The following SNTB1 variants were observed in gnomAD, a reference collection of about 807,000 sequenced individuals.
The protein encoded by SNTB1 is syntrophin beta 1, also known as beta-1-syntrophin.
A neutral mutation model predicts 48.9 loss-of-function variants in SNTB1; 36 were observed. The ratio of observed to expected loss-of-function variants is 0.74; its 90% CI spans 0.56 to 0.97. The LOEUF is 0.97. Among genes scored for constraint, SNTB1 ranks in the 50% least tolerant of loss-of-function variants. The pLI, the probability that SNTB1 is intolerant of heterozygous loss-of-function variation, is 0.00. For missense variants in SNTB1, 786 were observed against 703.4 expected (o/e 1.12, Z -1.33); for synonymous variants, 299 against 294.6 (o/e 1.01, Z -0.15).
chr8:120,619,960 G>A (rs1305544103), intron 3 of SNTB1, among the ~76,000 whole-genome samples: 2 of 152,226 alleles, frequency 1.3e-5, no homozygotes, highest in Non-Finnish European at 2.9e-5. Flanking sequence ...GAAAATAGAA[G>A]TTAGGGATAA....
At chr8:120,572,718 G>A (rs1000507270) in intron 4 of SNTB1, among the ~76,000 whole-genome samples, 22 of 151,090 alleles carry the variant, frequency 1.5e-4, no homozygotes, top group Admixed American at 6.6e-4. Context: ...GTGAAACCCT[G>A]TCTCTACTAA....
intron 3 of SNTB1, among the ~76,000 whole-genome samples, chr8:120,579,205 CAA>C (rs1257462509): frequency 4.0e-3 from 388 of 98,096 alleles, no homozygotes; most frequent in African/African-American, 0.013. Context: ...AACAAACAAA[CAA>C]ACAAACAAAG....
chr8:120,792,825 C>G (rs1018714261), intron 1 of SNTB1, among the ~76,000 whole-genome samples: 86 of 152,098 alleles, frequency 5.7e-4, no homozygotes, highest in African/African-American at 2.0e-3. Context: ...CATCATTTCC[C>G]TCTCAAGACT....
chr8:120,790,993 A>G (rs533266419), intron 1 of SNTB1, among the ~76,000 whole-genome samples: 5 of 151,950 alleles, frequency 3.3e-5, no homozygotes, highest in African/African-American at 1.2e-4. Context: ...TTCAAATTAT[A>G]CTACTATAGT....
At chr8:120,756,088 C>T (rs765684367) in intron 1 of SNTB1, among the ~76,000 whole-genome samples, 1 of 152,174 alleles carries the variant, frequency 6.6e-6, no homozygotes, top group Non-Finnish European at 1.5e-5. Context: ...GCATTCTGGA[C>T]AAGATGACCT....
chr8:120,791,700 A>G (rs1471101407), intron 1 of SNTB1, among the ~76,000 whole-genome samples: 1 of 152,032 alleles, frequency 6.6e-6, no homozygotes, highest in African/African-American at 2.4e-5. Context: ...ACATGAAAAA[A>G]TGCTCAACAT....
chr8:120,737,748 T>A lies in SNTB1; in HGVS notation c.572-43840A>T, dbSNP rs1241922599. On this transcript the variant is annotated intron_variant, in intron 1 of 6. Transcript: ENST00000517992. The stretch of plus-strand genomic sequence containing the variant: ...AATGCAAACCTCATTTCTTTTCTGT[T>A]ATCCTCCAATTCAGAGCTTTTATCC... 2.0e-5 allele frequency among the ~76,000 whole-genome samples: 3 copies of A among 152,174 alleles called. No homozygotes were observed. In the East Asian group the frequency reaches 5.8e-4, roughly 29 times the overall value.
At chr8:120,640,550 C>G (rs4871084) in intron 2 of SNTB1, among the ~76,000 whole-genome samples, 55,242 of 151,902 alleles carry the variant, frequency 0.36, 12,135 homozygotes, top group Non-Finnish European at 0.49. Context: ...TGAGATACAT[C>G]CCATCAATAC....
At chr8:120,642,623 A>C (rs937439274) in intron 2 of SNTB1, among the ~76,000 whole-genome samples, 1 of 152,144 alleles carries the variant, frequency 6.6e-6, no homozygotes, top group Non-Finnish European at 1.5e-5. Flanking sequence ...ATATGGCTTA[A>C]AATTCCAGGC....
chr8:120,616,306 T>C (rs967548027), intron 3 of SNTB1, among the ~76,000 whole-genome samples: 1 of 150,342 alleles, frequency 6.7e-6, no homozygotes, highest in Admixed American at 6.6e-5. Flanking sequence ...TGATTTTTTT[T>C]TTTTTTTTTT....
At chr8:120,732,857 AAAAG>A (rs1482496595) in intron 1 of SNTB1, among the ~76,000 whole-genome samples, 1 of 152,234 alleles carries the variant, frequency 6.6e-6, no homozygotes, top group African/African-American at 2.4e-5. Context: ...CTAAAAAACA[AAAAG>A]AAAGAAAAGA....
intron 1 of SNTB1, among the ~76,000 whole-genome samples, chr8:120,729,188 T>G (rs1406168644): frequency 6.6e-6 from 1 of 152,182 alleles, no homozygotes; most frequent in Admixed American, 6.5e-5. Flanking sequence ...ACAGCCATGT[T>G]GCCCAGGCTG....
chr8:120,696,408 C>A (rs377455129), intron 1 of SNTB1, among the ~76,000 whole-genome samples: 2 of 152,120 alleles, frequency 1.3e-5, no homozygotes, highest in South Asian at 2.1e-4. Flanking sequence ...TAAGTCAGGT[C>A]TCAATTTGGA....
intron 3 of SNTB1, among the ~76,000 whole-genome samples, chr8:120,586,785 G>A (rs1816150366): frequency 6.6e-6 from 1 of 152,154 alleles, no homozygotes; most frequent in Admixed American, 6.5e-5. Flanking sequence ...GAAATGACAG[G>A]AAATATGGAA....
At chr8:120,608,894 C>T (rs1176272884) in intron 3 of SNTB1, among the ~76,000 whole-genome samples, 1 of 152,080 alleles carries the variant, frequency 6.6e-6, no homozygotes, top group Non-Finnish European at 1.5e-5. Flanking sequence ...GTGTGTGAAC[C>T]TAAGTGAGTA....
At chr8:120,596,943 G>C (rs1381113068) in intron 3 of SNTB1, among the ~76,000 whole-genome samples, 4 of 152,196 alleles carry the variant, frequency 2.6e-5, no homozygotes, top group Admixed American at 6.5e-5. Context: ...GTGGTAGGCT[G>C]AACAGTGGTC....
At chr8:120,737,860 T>G (rs1818976032) in intron 1 of SNTB1, among the ~76,000 whole-genome samples, 1 of 152,162 alleles carries the variant, frequency 6.6e-6, no homozygotes, top group South Asian at 2.1e-4. Flanking sequence ...GCTGAGCCAA[T>G]CCAGTTGATA....
At chr8:120,711,494 C>T (rs763778015) in intron 1 of SNTB1, among the ~76,000 whole-genome samples, 2 of 152,128 alleles carry the variant, frequency 1.3e-5, no homozygotes, top group South Asian at 4.1e-4. Flanking sequence ...TCCTGGGCCT[C>T]CTCGCTTCCC....
chr8:120,632,361 TG>T, intron 3 of SNTB1, 82 bp downstream of exon 3: 2 of 1,234,834 alleles, frequency 1.6e-6, no homozygotes, highest in Non-Finnish European at 2.3e-6. Context: ...AATCAGCCTA[TG>T]GGATGAGATA....
Sources: allele counts gnomAD v4.1 joint callset (sites outside exome capture counted in the v4.1 genomes callset), GRCh38; gene constraint gnomAD v4.1.1; transcripts MANE v1.5; gene names NCBI Gene and HGNC (gene_info 2026-07-23, HGNC 2026-07-21).